PARD6G: variants seen among roughly 807,000 people sequenced by gnomAD.
PARD6G encodes par-6 family cell polarity regulator gamma.
In PARD6G, 7 loss-of-function variants were observed where a neutral mutation model predicts 10.7. The observed-to-expected ratio is 0.66, with a 90% CI of 0.37 to 1.23. PARD6G has a LOEUF of 1.23. Ranked by LOEUF, PARD6G falls within the 50% of genes most tolerant of loss-of-function variation. The probability of loss-of-function intolerance (pLI) is 0.02; values close to 1 mark genes in which losing one functional copy is unlikely to be tolerated. For synonymous variants in PARD6G, 287 were observed against 269.4 expected, an observed-to-expected ratio of 1.07 and a Z score of -0.64; for missense variants, 548 against 571.8, an observed-to-expected ratio of 0.96 and a Z score of 0.42.
chr18:80,199,831 G>T (rs527772434), intron 2 of PARD6G, among the ~76,000 whole-genome samples: 2 of 152,202 alleles, frequency 1.3e-5, no homozygotes, highest in South Asian at 4.1e-4. Flanking sequence ...TTTTAGTAGA[G>T]ATAGGGTTTC....
intron 2 of PARD6G, among the ~76,000 whole-genome samples, chr18:80,166,343 T>C (rs186852742): frequency 1.7e-4 from 25 of 151,138 alleles, no homozygotes; most frequent in Non-Finnish European, 3.1e-4. Context: ...TGCAAGTGTC[T>C]CTCTCAGCAG....
chr18:80,163,541 C>T (rs901854693), intron 2 of PARD6G, among the ~76,000 whole-genome samples: 1 of 152,226 alleles, frequency 6.6e-6, no homozygotes, highest in Non-Finnish European at 1.5e-5. Context: ...CACCCCTGTT[C>T]CGCATGGTGC....
chr18:80,217,311 C>G (rs965438873), intron 1 of PARD6G, among the ~76,000 whole-genome samples: 1 of 152,050 alleles, frequency 6.6e-6, no homozygotes, highest in East Asian at 1.9e-4. Flanking sequence ...CAGAAGAATA[C>G]CAAATAATTT....
chr18:80,179,637 A>T (rs2052837648), intron 2 of PARD6G, among the ~76,000 whole-genome samples: 1 of 152,172 alleles, frequency 6.6e-6, no homozygotes, highest in Non-Finnish European at 1.5e-5. Flanking sequence ...TAGGAGCATG[A>T]GTTTCACAAC....
At chr18:80,176,701 C>G (rs1252063608) in intron 2 of PARD6G, among the ~76,000 whole-genome samples, 1 of 152,176 alleles carries the variant, frequency 6.6e-6, no homozygotes, top group Non-Finnish European at 1.5e-5. Context: ...AGCCTCCCCC[C>G]TCATTGCCTG....
At chr18:80,179,905 T>C (rs1406053211) in intron 2 of PARD6G, among the ~76,000 whole-genome samples, 2 of 152,222 alleles carry the variant, frequency 1.3e-5, no homozygotes, top group Non-Finnish European at 2.9e-5. Flanking sequence ...GGCCAGAGAA[T>C]TGAAGCCACA....
At chr18:80,187,151 T>C (rs976319259) in intron 2 of PARD6G, among the ~76,000 whole-genome samples, 1 of 151,698 alleles carries the variant, frequency 6.6e-6, no homozygotes, top group African/African-American at 2.4e-5. Context: ...GTTACTCTAA[T>C]GGTCTGACAC....
At position 80,228,812 on chromosome 18, in the gene PARD6G, AC is replaced by A. The variant is rs1185135678; in HGVS notation, c.72+18464del. Among the ~76,000 whole-genome samples, 1 of 152,250 alleles carries A rather than the reference AC, an allele frequency of 6.6e-6. No homozygotes were observed. Among genetic ancestry groups the A allele is most frequent in the Non-Finnish European group, 1.5e-5 (1 of 68,048 alleles). On this transcript the variant is annotated intron_variant, in intron 1 of 2. Transcript: ENST00000353265. The surrounding 1 kb of genome is among the most constrained non-coding windows in gnomAD (Gnocchi z 4.6). The stretch of plus-strand genomic sequence containing the variant: ...AGTGAACAACTGCAGGTGATCAGAA[AC>A]AGAGACAGATTCCCACAGGAAATGT...
At chr18:80,224,170 A>G (rs917872147) in intron 1 of PARD6G, among the ~76,000 whole-genome samples, 7 of 152,104 alleles carry the variant, frequency 4.6e-5, no homozygotes, top group African/African-American at 1.7e-4. Context: ...ATATAAACCT[A>G]TTTTCATTAT....
At chr18:80,198,116 T>C (rs975310100) in intron 2 of PARD6G, among the ~76,000 whole-genome samples, 1 of 152,210 alleles carries the variant, frequency 6.6e-6, no homozygotes, top group Non-Finnish European at 1.5e-5. Context: ...AAATGCCATG[T>C]AGTCGTTGAG....
intron 2 of PARD6G, among the ~76,000 whole-genome samples, chr18:80,199,571 G>C (rs929303404): frequency 6.6e-6 from 1 of 152,220 alleles, no homozygotes; most frequent in African/African-American, 2.4e-5. Context: ...CATTCATAAA[G>C]GAATGCTGTT....
Position 80,159,485 on chromosome 18 carries a change from A to T in PARD6G, c.*286T>A. On this transcript the variant is annotated 3_prime_UTR_variant, in exon 3 of 3. Coordinates refer to ENST00000353265, the MANE Select transcript of PARD6G (RefSeq NM_032510.4). ...CAAAGTATTTGTAAAAATTTTAAAA[A>T]GCATTTTTTTGCACTTGGTCAGATC... The T allele has an allele frequency of 2.9e-6, 1 of 346,378 alleles. No homozygotes were observed. The highest frequency in any genetic ancestry group is 5.1e-6 in the Non-Finnish European group (1 of 197,624). The allele number at this position is 346,378 out of a possible 1,614,324, so 21.5% of individuals were successfully genotyped here.
Position 80,181,576 on chromosome 18 carries a change from C to T in PARD6G, c.296-20970G>A, listed in dbSNP as rs1169580887. Reference sequence around the variant, plus strand: ...GGTAGGTGTGCCCTTCCCCTAAACTCAGCAGATCGGATCTACCTCCCCTCT... The same window carrying T: ...GGTAGGTGTGCCCTTCCCCTAAACTTAGCAGATCGGATCTACCTCCCCTCT... On this transcript the variant is annotated intron_variant, in intron 2 of 2. Coordinates refer to ENST00000353265, the MANE Select transcript of PARD6G (RefSeq NM_032510.4). The surrounding 1 kb of genome is among the most constrained non-coding windows in gnomAD (Gnocchi z 7.9). 6.6e-6 allele frequency among the ~76,000 whole-genome samples: 1 copy of T among 152,124 alleles called. No individual in the cohort carries two copies. The highest frequency in any genetic ancestry group is 1.5e-5 in the Non-Finnish European group (1 of 68,014).
rs1967325021 is a variant in PARD6G, at chr18:80,228,721, C to T, written c.72+18556G>A. Among the ~76,000 whole-genome samples the T allele has an allele frequency of 6.6e-6, 1 of 151,562 alleles. No homozygotes were observed. On this transcript the variant is annotated intron_variant, in intron 1 of 2. Transcript: ENST00000353265. The surrounding 1 kb of genome is among the most constrained non-coding windows in gnomAD (Gnocchi z 4.6). The stretch of plus-strand genomic sequence containing the variant: ...CCTAAGGCCCTTCTCCACCAAAGAC[C>T]TGCCTCACACCCCCAGGGGCCTGCC...
rs2052765073 is a variant in PARD6G, at chr18:80,170,026, T to C, written c.296-9420A>G. On this transcript the variant is annotated intron_variant, in intron 2 of 2. Transcript: ENST00000353265. ...CAGCTGCCAGATGAGCACGGCCTAT[T>C]AGGGCCTCGTCCGGTCCCCGCTTAT... 2.0e-5 allele frequency: 3 copies of C among 152,270 alleles called. 1 individual carries two copies. The highest frequency in any genetic ancestry group is 1.3e-4 in the Admixed American group (2 of 15,284). 9.4% of individuals were successfully genotyped at this position (152,270 alleles called of 1,614,324 possible). A position where few individuals can be genotyped will look rare whatever the true frequency, so the allele number is the denominator to read the frequency against.
At chr18:80,196,287 C>CA (rs1414841228) in intron 2 of PARD6G, among the ~76,000 whole-genome samples, 40 of 152,176 alleles carry the variant, frequency 2.6e-4, no homozygotes, top group African/African-American at 9.7e-4. Flanking sequence ...ACCACGTCTA[C>CA]AGTGAGAGGC....
intron 2 of PARD6G, among the ~76,000 whole-genome samples, chr18:80,179,145 G>A (rs1268897234): frequency 6.6e-6 from 1 of 151,896 alleles, no homozygotes; most frequent in East Asian, 1.9e-4. Context: ...CCAGAAGCCG[G>A]CCCAGTGCCC....
Position 80,228,020 on chromosome 18 carries a change from G to A in PARD6G, c.72+19257C>T, listed in dbSNP as rs1967313185. On this transcript the variant is annotated intron_variant, in intron 1 of 2. Coordinates refer to ENST00000353265, the MANE Select transcript of PARD6G (RefSeq NM_032510.4). The surrounding 1 kb of genome is among the most constrained non-coding windows in gnomAD (Gnocchi z 4.6). ...TTACTCATTGAACCCGTATTTTCCT[G>A]TGCTGGGCTGAACGGTGAAAGAAAA... 6.6e-6 allele frequency among the ~76,000 whole-genome samples: 1 copy of A among 152,184 alleles called. No homozygotes were observed.
chr18:80,232,435 C>T (rs1440305369), intron 1 of PARD6G, among the ~76,000 whole-genome samples: 2 of 152,120 alleles, frequency 1.3e-5, no homozygotes, highest in Non-Finnish European at 2.9e-5. Context: ...ACTTACAGTT[C>T]CACATGGCTG....
Sources: allele counts gnomAD v4.1 joint callset (sites outside exome capture counted in the v4.1 genomes callset), GRCh38; gene constraint gnomAD v4.1.1; non-coding constraint Gnocchi (gnomAD v3.1); transcripts MANE v1.5; gene names NCBI Gene and HGNC (gene_info 2026-07-23, HGNC 2026-07-21).